Variants in LPIN2 observed in about 807,000 individuals in gnomAD.
LPIN2 encodes the protein lipin 2.
LPIN2 carries 55 observed loss-of-function variants against 111.4 expected under a neutral mutation model. The observed-to-expected ratio is 0.49, with a 90% CI of 0.40 to 0.62. LPIN2 has a LOEUF of 0.62. Ranked by LOEUF, LPIN2 falls within the 20% of genes least tolerant of loss-of-function variation. The pLI, the probability that LPIN2 is intolerant of heterozygous loss-of-function variation, is 0.00. For missense variants in LPIN2, 992 were observed against 1,112.1 expected (o/e 0.89, Z 1.54); for synonymous variants, 425 against 414.0 (o/e 1.03, Z -0.32).
At chr18:2,966,655 T>C (rs1488623644) in intron 1 of LPIN2, among the ~76,000 whole-genome samples, 1 of 152,212 alleles carries the variant, frequency 6.6e-6, no homozygotes, top group African/African-American at 2.4e-5. Context: ...TTCAGCAATC[T>C]GAGTATCATT....
chr18:2,922,227 A>C, intron 16 of LPIN2, 28 bp from the exon 17 acceptor site: 1 of 1,612,498 alleles, frequency 6.2e-7, no homozygotes, highest in Non-Finnish European at 8.5e-7. Context: ...CTGTTAGCCC[A>C]CATGTTCTGG....
intron 2 of LPIN2, among the ~76,000 whole-genome samples, chr18:2,957,626 A>G (rs2077632426): frequency 6.6e-6 from 1 of 152,058 alleles, no homozygotes; most frequent in Admixed American, 6.5e-5. Flanking sequence ...AAATACTGAT[A>G]CTTCTGTAGG....
intron 3 of LPIN2, among the ~76,000 whole-genome samples, chr18:2,953,484 T>C (rs2077567570): frequency 6.6e-6 from 1 of 152,096 alleles, no homozygotes. Context: ...ATGAAGAAAC[T>C]AGAAAAAGCA....
chr18:3,012,363 T>C lies in LPIN2; in HGVS notation c.-10+724A>G, dbSNP rs999435301. Among the ~76,000 whole-genome samples, 6 of 152,352 alleles carry C rather than the reference T, an allele frequency of 3.9e-5. No homozygotes were observed. In the East Asian group the frequency reaches 1.2e-3, roughly 29 times the overall value. ...AAAAAATGTCATCTTGAATTTTCAA[T>C]GAAAAGAGTCTTAAAATGTTCAGGC... On this transcript the variant is annotated intron_variant, in intron 1 of 19. Coordinates refer to ENST00000677752, the MANE Select transcript of LPIN2 (RefSeq NM_001375808.2).
intron 6 of LPIN2, 114 bp downstream of exon 6, chr18:2,939,366 T>A: frequency 7.9e-7 from 1 of 1,258,320 alleles, no homozygotes; most frequent in Admixed American, 1.7e-5. Context: ...GAGGGCACTA[T>A]CATTTACATT....
intron 1 of LPIN2, among the ~76,000 whole-genome samples, chr18:2,972,787 C>T (rs1309255261): frequency 2.0e-5 from 3 of 152,192 alleles, no homozygotes; most frequent in Non-Finnish European, 4.4e-5. Flanking sequence ...GGTTCCTGTT[C>T]CCACATTTCT....
At chr18:2,998,641 AAG>A (rs1415077772) in intron 1 of LPIN2, among the ~76,000 whole-genome samples, 1 of 152,068 alleles carries the variant, frequency 6.6e-6, no homozygotes, top group Non-Finnish European at 1.5e-5. Flanking sequence ...CTTTTAAGGA[AAG>A]AAAAGCGTTG....
At position 2,922,272 on chromosome 18, in the gene LPIN2, C is replaced by A. The variant is rs199947182; in HGVS notation, c.2175-73G>T. On this transcript the variant is annotated intron_variant, in intron 16 of 19. Coordinates refer to ENST00000677752, the MANE Select transcript of LPIN2 (RefSeq NM_001375808.2). ...AAGAAAACAAAAAACAAAAAAAAAA[C>A]CCCACACTTTTCTTTCTTTTTTTTT... 1.6e-3 allele frequency: 2,388 copies of A among 1,461,918 alleles called. 5 individuals carry two copies. The highest frequency in any genetic ancestry group is 7.6e-3 in the South Asian group (627 of 82,190). The allele number at this position is 1,461,918 out of a possible 1,614,324, so 90.6% of individuals were successfully genotyped here.
chr18:2,998,222 G>A (rs964988099), intron 1 of LPIN2, among the ~76,000 whole-genome samples: 1 of 152,188 alleles, frequency 6.6e-6, no homozygotes, highest in Non-Finnish European at 1.5e-5. Context: ...TGCAATCAAT[G>A]CCACCAATCA....
At position 2,936,584 on chromosome 18, in the gene LPIN2, T is replaced by C. The variant is rs151000703; in HGVS notation, c.1168+1108A>G. ...TAACTTCTTAAGGTAATTTTTATTT[T>C]TTCTTATTATTTTTGAGACAGGGTC... On this transcript the variant is annotated intron_variant, in intron 7 of 19. Transcript: ENST00000677752. Among the ~76,000 whole-genome samples the C allele has an allele frequency of 4.0e-3, 605 of 152,286 alleles. 6 individuals are homozygous for C. The highest frequency in any genetic ancestry group is 0.014 in the African/African-American group (569 of 41,548).
intron 7 of LPIN2, among the ~76,000 whole-genome samples, chr18:2,936,176 T>C (rs1298918890): frequency 6.6e-6 from 1 of 152,206 alleles, no homozygotes; most frequent in East Asian, 1.9e-4. Flanking sequence ...CTAATATATA[T>C]TAAGTTGGTT....
intron 13 of LPIN2, 42 bp downstream of exon 13, chr18:2,926,681 G>A (rs183675423): frequency 4.5e-6 from 7 of 1,565,760 alleles, no homozygotes; most frequent in South Asian, 1.1e-5. Flanking sequence ...CCCTGCTAGA[G>A]GGCCTGAGTG....
intron 1 of LPIN2, among the ~76,000 whole-genome samples, chr18:2,975,032 T>C (rs1284456564): frequency 2.0e-5 from 3 of 152,164 alleles, no homozygotes; most frequent in Non-Finnish European, 4.4e-5. Flanking sequence ...AAACCCCAAA[T>C]GCCATTTTAC....
intron 1 of LPIN2, among the ~76,000 whole-genome samples, chr18:2,962,854 AAAC>A (rs1421133032): frequency 6.6e-6 from 1 of 152,134 alleles, no homozygotes; most frequent in Non-Finnish European, 1.5e-5. Flanking sequence ...TTCTTAAAAT[AAAC>A]AAAAAAATGC....
intron 1 of LPIN2, among the ~76,000 whole-genome samples, chr18:2,978,211 A>C (rs2078051366): frequency 6.6e-6 from 1 of 152,090 alleles, no homozygotes; most frequent in Non-Finnish European, 1.5e-5. Flanking sequence ...ATAAAAAAAA[A>C]AGTTGAAGGA....
intron 1 of LPIN2, among the ~76,000 whole-genome samples, chr18:3,001,687 A>C (rs536268250): frequency 2.6e-5 from 4 of 152,268 alleles, no homozygotes; most frequent in Admixed American, 6.5e-5. Context: ...AAAAGAAATG[A>C]AAGGGGCTTT....
At chr18:2,962,642 T>C (rs552363829) in intron 1 of LPIN2, among the ~76,000 whole-genome samples, 2 of 152,310 alleles carry the variant, frequency 1.3e-5, no homozygotes, top group South Asian at 4.1e-4. Flanking sequence ...TCACATGTGG[T>C]TCTAAAAAAT....
At chr18:2,989,320 A>T (rs1371837048) in intron 1 of LPIN2, among the ~76,000 whole-genome samples, 4 of 152,324 alleles carry the variant, frequency 2.6e-5, no homozygotes, top group Middle Eastern at 6.8e-3. Flanking sequence ...AAGAAAAAAA[A>T]TGCCTAGGAA....
chr18:3,004,976 T>C (rs1230378385), intron 1 of LPIN2, among the ~76,000 whole-genome samples: 1 of 150,464 alleles, frequency 6.6e-6, no homozygotes, highest in Non-Finnish European at 1.5e-5. Context: ...TTTGAAAACA[T>C]AAATAACCCA....
Sources: gnomAD v4.1 joint callset for allele counts (sites outside exome capture counted in the v4.1 genomes callset) on GRCh38, gnomAD v4.1.1 for gene constraint, MANE v1.5 for transcripts, NCBI Gene and HGNC (gene_info 2026-07-23, HGNC 2026-07-21) for gene names.